CBX5: variants seen among roughly 807,000 people sequenced by gnomAD.
The protein encoded by CBX5 is chromobox protein homolog 5.
A neutral mutation model predicts 20.7 loss-of-function variants in CBX5; 7 were observed. The ratio of observed to expected loss-of-function variants is 0.34; its 90% confidence interval spans 0.19 to 0.63. The LOEUF is 0.63. Among genes scored for constraint, CBX5 ranks in the 30% least tolerant of loss-of-function variants. The pLI, the probability that CBX5 is intolerant of heterozygous loss-of-function variation, is 0.75. For missense variants in CBX5, 110 were observed against 224.1 expected (o/e 0.49, Z 3.25); for synonymous variants, 78 against 77.0 (o/e 1.01, Z -0.07).
Position 54,246,177 on chromosome 12 carries a change from C to T in CBX5, c.363G>A (p.Leu121=), listed in dbSNP as rs779048788. The change falls in exon 4 of 5, where the codon CTG becomes CTA. Residue 121 remains leucine (L), a synonymous_variant. Coordinates refer to ENST00000209875, the MANE Select transcript of CBX5 (RefSeq NM_012117.3). ...NDIARGFERG[L]EPEKIIGATD... ...TTGCCCCAATGATCTTTTCTGGTTC[C>T]AGTCCTCTCTCAAAGCCCCGAGCGA... The T allele has an allele frequency of 6.2e-7, 1 of 1,613,734 alleles. No homozygotes were observed. Among genetic ancestry groups the T allele is most frequent in the Non-Finnish European group, 8.5e-7 (1 of 1,179,660 alleles).
intron 1 of CBX5, among the ~76,000 whole-genome samples, chr12:54,263,765 A>AC (rs1943933300): frequency 1.4e-5 from 2 of 147,750 alleles, no homozygotes; most frequent in Non-Finnish European, 3.0e-5. Flanking sequence ...TCTATCTCAA[A>AC]AAAAAAAAAA....
intron 2 of CBX5, among the ~76,000 whole-genome samples, chr12:54,253,826 GAT>G (rs1943833575): frequency 6.7e-6 from 1 of 149,516 alleles, no homozygotes; most frequent in Non-Finnish European, 1.5e-5. Context: ...GCAGTGGTGT[GAT>G]ATCGGCTCGC....
intron 1 of CBX5, chr12:54,259,738 G>C (rs975116536): frequency 6.5e-6 from 1 of 152,712 alleles, no homozygotes; most frequent in African/African-American, 2.4e-5. Context: ...AAGACTGGGT[G>C]GAGAAATTGG....
intron 1 of CBX5, among the ~76,000 whole-genome samples, chr12:54,277,552 G>A (rs1240038969): frequency 6.6e-6 from 1 of 152,072 alleles, no homozygotes; most frequent in African/African-American, 2.4e-5. Flanking sequence ...TGGCCAGGCT[G>A]GTCTGAAACT....
intron 3 of CBX5, among the ~76,000 whole-genome samples, chr12:54,246,629 A>C (rs1272539379): frequency 6.6e-6 from 1 of 151,994 alleles, no homozygotes; most frequent in East Asian, 1.9e-4. Flanking sequence ...AAAATACAAA[A>C]AATTAGCCAG....
rs780268144 is a variant in CBX5 at position 54,246,102 on chromosome 12, A to T, written c.425+13T>A. 1.3e-6 allele frequency: 2 copies of T among 1,583,376 alleles called. No homozygotes were observed. Among genetic ancestry groups the T allele is most frequent in the Non-Finnish European group, 1.7e-6 (2 of 1,152,144 alleles). ...AGAAACACAATTGTAAAGCGAAGCC[A>T]AATCTCTCTCACCATTTCATTAGGA... On this transcript the variant is annotated intron_variant, in intron 4 of 4. Coordinates refer to ENST00000209875, the MANE Select transcript of CBX5 (RefSeq NM_012117.3).
intron 3 of CBX5, among the ~76,000 whole-genome samples, chr12:54,249,732 G>C (rs189542841): frequency 1.2e-3 from 178 of 152,202 alleles, no homozygotes; most frequent in African/African-American, 4.2e-3. Flanking sequence ...AAAAGAGAGA[G>C]AGGCAATAAC....
In CBX5 at chr12:54,256,760, A is replaced by G. The variant is rs79341890; in HGVS notation, c.137+754T>C. On this transcript the variant is annotated intron_variant, in intron 2 of 4. Coordinates refer to ENST00000209875, the MANE Select transcript of CBX5 (RefSeq NM_012117.3). ...TTAGGTTAAATAAAATATTATTAAAATTAATTTCACAGCCAGGCACGGTGG... is the reference window on the plus strand; with the variant it reads ...TTAGGTTAAATAAAATATTATTAAAGTTAATTTCACAGCCAGGCACGGTGG... 3.3e-3 allele frequency among the ~76,000 whole-genome samples: 501 copies of G among 152,316 alleles called. 2 individuals are homozygous for G. Among genetic ancestry groups the G allele is most frequent in the African/African-American group, 0.012 (485 of 41,580 alleles).
At chr12:54,251,115 A>C (rs1035030768) in intron 3 of CBX5, among the ~76,000 whole-genome samples, 1 of 147,030 alleles carries the variant, frequency 6.8e-6, no homozygotes, top group Admixed American at 6.8e-5. Context: ...TGGGTGACAG[A>C]GCGATATTCT....
chr12:54,250,664 G>A (rs978170620), intron 3 of CBX5, among the ~76,000 whole-genome samples: 5 of 148,926 alleles, frequency 3.4e-5, no homozygotes, highest in African/African-American at 1.2e-4. Context: ...AATTAGCCGG[G>A]CGCGGTGGCG....
chr12:54,273,990 A>G (rs1944035729), intron 1 of CBX5: 1 of 152,250 alleles, frequency 6.6e-6, no homozygotes, highest in Non-Finnish European at 1.5e-5. Flanking sequence ...CCTCATTTCA[A>G]AGGGTAAATT....
At chr12:54,277,474 G>C (rs1315570968) in intron 1 of CBX5, among the ~76,000 whole-genome samples, 1 of 152,078 alleles carries the variant, frequency 6.6e-6, no homozygotes, top group Non-Finnish European at 1.5e-5. Flanking sequence ...CAAAGTGCTG[G>C]GATTACAGAC....
At position 54,234,243 on chromosome 12, in the gene CBX5, C is replaced by T. The variant is rs1263354149; in HGVS notation, c.*7512G>A. 6.9e-6 allele frequency: 1 copy of T among 145,228 alleles called. No homozygotes were observed. Among genetic ancestry groups the T allele is most frequent in the Non-Finnish European group, 1.5e-5 (1 of 66,678 alleles). 9.0% of individuals were successfully genotyped at this position (145,228 alleles called of 1,614,324 possible). On this transcript the variant is annotated 3_prime_UTR_variant, in exon 5 of 5. Coordinates refer to ENST00000209875, the MANE Select transcript of CBX5 (RefSeq NM_012117.3). ...GATACTCTAGGTACAGGAACCATTC[C>T]AAGACCTAAATAGATTTTTTTTTTT...
chr12:54,256,055 T>C (rs1015235386), intron 2 of CBX5: 1 of 152,236 alleles, frequency 6.6e-6, no homozygotes, highest in Admixed American at 6.5e-5. Flanking sequence ...AAAGGACCAA[T>C]GTTTACTTTG....
chr12:54,259,118 G>A (rs1335826986), intron 1 of CBX5, among the ~76,000 whole-genome samples: 1 of 151,986 alleles, frequency 6.6e-6, no homozygotes, highest in Non-Finnish European at 1.5e-5. Context: ...AGGTGCGGGG[G>A]GGTTAAAATA....
chr12:54,244,778 G>A (rs189741738), intron 4 of CBX5, among the ~76,000 whole-genome samples: 6 of 152,180 alleles, frequency 3.9e-5, no homozygotes, highest in Admixed American at 3.3e-4. Flanking sequence ...TCATCTAAGA[G>A]CCATCCTCTC....
chr12:54,242,916 G>A (rs1262743983), intron 4 of CBX5, among the ~76,000 whole-genome samples: 1 of 152,036 alleles, frequency 6.6e-6, no homozygotes, highest in Non-Finnish European at 1.5e-5. Context: ...CTTGAGCCTA[G>A]GAGTTTGAGA....
At chr12:54,250,667 C>T (rs1362529054) in intron 3 of CBX5, among the ~76,000 whole-genome samples, 21 of 147,152 alleles carry the variant, frequency 1.4e-4, no homozygotes, top group African/African-American at 3.2e-4. Flanking sequence ...TAGCCGGGCG[C>T]GGTGGCGGGC....
chr12:54,252,464 CAG>C (rs767452450), intron 2 of CBX5: 8 of 389,910 alleles, frequency 2.1e-5, no homozygotes, highest in Non-Finnish European at 3.5e-5. Flanking sequence ...TAGCCAAAAA[CAG>C]AAAACAAATT....
Sources: gnomAD v4.1 joint callset for allele counts (sites outside exome capture counted in the v4.1 genomes callset) on GRCh38, gnomAD v4.1.1 for gene constraint, MANE v1.5 for transcripts, NCBI Gene and HGNC (gene_info 2026-07-23, HGNC 2026-07-21) for gene names.